Variants in TENM3 observed in about 807,000 individuals in gnomAD.
The protein encoded by TENM3 is teneurin-3.
TENM3 carries 63 observed loss-of-function variants against 255.1 expected under a neutral mutation model. The ratio of observed to expected loss-of-function variants is 0.25; its 90% CI spans 0.20 to 0.30. The LOEUF (loss-of-function observed/expected upper bound fraction) is 0.30, where lower values mean the gene tolerates loss of function less well. Among genes scored for constraint, TENM3 ranks in the 10% least tolerant of loss-of-function variants. The probability of loss-of-function intolerance (pLI) is 1.00; values close to 1 mark genes in which losing one functional copy is unlikely to be tolerated. For synonymous variants in TENM3, 1,306 were observed against 1,322.3 expected, an observed-to-expected ratio of 0.99 and a Z score of 0.27; for missense variants, 2,929 against 3,461.1, an observed-to-expected ratio of 0.85 and a Z score of 3.86.
At chr4:182,322,306 T>G (rs1040716403) in intron 1 of TENM3, among the ~76,000 whole-genome samples, 1 of 152,214 alleles carries the variant, frequency 6.6e-6, no homozygotes, top group Non-Finnish European at 1.5e-5. Flanking sequence ...GCTCAGTATT[T>G]GGTAGCCATA....
chr4:181,714,556 C>A, the TENM3 span, among the ~76,000 whole-genome samples: 2 of 152,196 alleles, frequency 1.3e-5, no homozygotes, highest in East Asian at 3.9e-4. Flanking sequence ...GGTGGTTTGA[C>A]AGTTCAGGAA....
intron 3 of TENM3, among the ~76,000 whole-genome samples, chr4:182,414,887 G>A (rs1770254750): frequency 6.6e-6 from 1 of 152,262 alleles, no homozygotes; most frequent in East Asian, 1.9e-4. Flanking sequence ...GTACAAAGTA[G>A]ATATCAGCTT....
intron 4 of TENM3, among the ~76,000 whole-genome samples, chr4:182,615,071 T>TGTA (rs1561005485): frequency 2.7e-5 from 2 of 73,700 alleles, no homozygotes; most frequent in East Asian, 6.7e-4. Context: ...ATATATGTAT[T>TGTA]TTTTTTTTCT....
At chr4:182,548,123 C>T (rs1741634190) in intron 3 of TENM3, among the ~76,000 whole-genome samples, 1 of 152,008 alleles carries the variant, frequency 6.6e-6, no homozygotes, top group Non-Finnish European at 1.5e-5. Flanking sequence ...ACTTGGGAGG[C>T]TCAGGTGGAA....
Position 182,324,120 on chromosome 4 carries a change from C to T in TENM3, c.100C>T (p.Arg34Trp), listed in dbSNP as rs558963430. 1.9e-6 allele frequency: 3 copies of T among 1,613,940 alleles called. No homozygotes were observed. The highest frequency in any genetic ancestry group is 2.2e-5 in the South Asian group (2 of 91,068). Reference sequence around the variant, plus strand: ...TTCCTCCGCAGACAATGAGGAGTGCCGGGTACCCACACAGAAGTCCTACAG... The same window carrying T: ...TTCCTCCGCAGACAATGAGGAGTGCTGGGTACCCACACAGAAGTCCTACAG... Reference protein sequence around the residue: ...TNSSADNEECRVPTQKSYSSS... With the variant: ...TNSSADNEECWVPTQKSYSSS... The change falls in exon 2 of 28, where the codon CGG becomes TGG. Residue 34 changes from arginine (R) to tryptophan (W), a missense_variant. Transcript: ENST00000511685.
intron 3 of TENM3, among the ~76,000 whole-genome samples, chr4:182,498,347 CT>C: frequency 6.6e-6 from 1 of 152,230 alleles, no homozygotes; most frequent in East Asian, 1.9e-4. Flanking sequence ...GAAAACTGCA[CT>C]TCATCATTCG....
chr4:182,121,939 T>C, the TENM3 span, among the ~76,000 whole-genome samples: 6 of 152,238 alleles, frequency 3.9e-5, no homozygotes, highest in Admixed American at 2.6e-4. Context: ...GTCAATCCTC[T>C]CAAACCTTTC....
chr4:181,500,294 G>T, the TENM3 span, among the ~76,000 whole-genome samples: 2 of 151,312 alleles, frequency 1.3e-5, no homozygotes, highest in Non-Finnish European at 2.9e-5. Context: ...CTCCCAAAGT[G>T]CTGGGATTAC....
intron 12 of TENM3, among the ~76,000 whole-genome samples, chr4:182,702,864 A>G (rs1757994114): frequency 6.6e-6 from 1 of 151,572 alleles, no homozygotes. Context: ...AGCCTCCCAC[A>G]TAGCTGGGAC....
At chr4:182,503,164 C>T (rs1407438912) in intron 3 of TENM3, among the ~76,000 whole-genome samples, 1 of 152,100 alleles carries the variant, frequency 6.6e-6, no homozygotes, top group Non-Finnish European at 1.5e-5. Flanking sequence ...CCAGCAAATA[C>T]ACCAGTGGTT....
chr4:182,497,077 C>T (rs899143132), intron 3 of TENM3, among the ~76,000 whole-genome samples: 104 of 149,396 alleles, frequency 7.0e-4, no homozygotes, highest in African/African-American at 2.3e-3. Context: ...TTTTTTGAGA[C>T]GGAGTCTTGC....
chr4:182,181,379 C>T lies in TENM3; in HGVS notation c.-76+36625C>T, dbSNP rs576052860. On this transcript the variant is annotated intron_variant, in intron 1 of 2. Coordinates refer to the TENM3 transcript ENST00000512480. The stretch of plus-strand genomic sequence containing the variant: ...CTTCTGCTGAAAGAGGGGGCCCTCC[C>T]GTGGGAGGCTTTAGTTGTTTTCCTC... Among the ~76,000 whole-genome samples, 34 of 152,308 alleles carry T rather than the reference C, an allele frequency of 2.2e-4. No individual in the cohort carries two copies. The South Asian group carries it at 6.8e-3, about 31-fold the overall frequency.
chr4:182,702,550 A>G (rs1444572714), intron 12 of TENM3, among the ~76,000 whole-genome samples: 1 of 152,212 alleles, frequency 6.6e-6, no homozygotes, highest in Admixed American at 6.5e-5. Flanking sequence ...TTGAGCATTT[A>G]CTACTTGCTA....
At chr4:181,725,718 A>G in the TENM3 span, among the ~76,000 whole-genome samples, 1 of 152,154 alleles carries the variant, frequency 6.6e-6, no homozygotes, top group Non-Finnish European at 1.5e-5. Context: ...CAGGGATTAC[A>G]GGCGTGAACC....
the TENM3 span, among the ~76,000 whole-genome samples, chr4:181,605,568 A>AAGAAAGAGAG: frequency 4.7e-5 from 2 of 42,164 alleles, no homozygotes; most frequent in East Asian, 6.3e-4. Context: ...GAAAGAAAGA[A>AAGAAAGAGAG]AGAGAGAGAA....
the TENM3 span, among the ~76,000 whole-genome samples, chr4:181,924,192 T>G: frequency 6.6e-6 from 1 of 152,164 alleles, no homozygotes; most frequent in Non-Finnish European, 1.5e-5. Flanking sequence ...CAGTGTTACC[T>G]GGCTACAGGC....
the TENM3 span, among the ~76,000 whole-genome samples, chr4:181,704,391 A>G: frequency 6.6e-6 from 1 of 152,262 alleles, no homozygotes; most frequent in South Asian, 2.1e-4. Context: ...AGAAACATAA[A>G]TTCTCTTTAC....
the TENM3 span, among the ~76,000 whole-genome samples, chr4:182,015,340 T>A: frequency 6.6e-6 from 1 of 152,100 alleles, no homozygotes; most frequent in African/African-American, 2.4e-5. Context: ...CCAATCGCCT[T>A]TTGTCTTGTT....
the TENM3 span, among the ~76,000 whole-genome samples, chr4:181,910,004 T>A: frequency 6.6e-6 from 1 of 152,204 alleles, no homozygotes; most frequent in East Asian, 1.9e-4. Context: ...ATCAAAAATC[T>A]CATTGTTATA....
Sources: allele counts gnomAD v4.1 joint callset (sites outside exome capture counted in the v4.1 genomes callset), GRCh38; gene constraint gnomAD v4.1.1; transcripts MANE v1.5; gene names NCBI Gene and HGNC (gene_info 2026-07-23, HGNC 2026-07-21).